Variants in ADAMTS6 observed in about 807,000 individuals in gnomAD.
The protein encoded by ADAMTS6 is A disintegrin and metalloproteinase with thrombospondin motifs 6.
In ADAMTS6, 23 loss-of-function variants were observed where a neutral mutation model predicts 144.3. The ratio of observed to expected loss-of-function variants is 0.16; its 90% CI spans 0.11 to 0.23. ADAMTS6 has a LOEUF of 0.23. ADAMTS6 is among the 10% of genes least tolerant of loss of function. ADAMTS6 has a pLI of 1.00. For synonymous variants in ADAMTS6, 444 were observed against 457.5 expected (o/e 0.97, Z 0.38); for missense variants, 999 against 1,379.6 (o/e 0.72, Z 4.37).
At chr5:65,440,413 T>C (rs1481262402) in intron 7 of ADAMTS6, among the ~76,000 whole-genome samples, 14 of 152,024 alleles carry the variant, frequency 9.2e-5, no homozygotes, top group Admixed American at 2.6e-4. Flanking sequence ...CTTACTACCT[T>C]GAGAAATTCA....
intron 7 of ADAMTS6, among the ~76,000 whole-genome samples, chr5:65,425,189 A>C (rs900897484): frequency 6.6e-6 from 1 of 152,038 alleles, no homozygotes; most frequent in Admixed American, 6.6e-5. Context: ...TGTATTTAAA[A>C]ATTTCGTATT....
chr5:65,342,111 G>T (rs774069994), intron 7 of ADAMTS6, among the ~76,000 whole-genome samples: 8 of 152,100 alleles, frequency 5.3e-5, no homozygotes, highest in Non-Finnish European at 1.2e-4. Flanking sequence ...CTCAATAGAT[G>T]CAGAAAAAGC....
chr5:65,375,252 T>A (rs1469285291), intron 7 of ADAMTS6, among the ~76,000 whole-genome samples: 1 of 152,034 alleles, frequency 6.6e-6, no homozygotes, highest in African/African-American at 2.4e-5. Context: ...AAGCCAAAAT[T>A]GACAAATGGG....
At chr5:65,284,672 ATC>A (rs1763231433) in intron 11 of ADAMTS6, among the ~76,000 whole-genome samples, 1 of 152,158 alleles carries the variant, frequency 6.6e-6, no homozygotes, top group African/African-American at 2.4e-5. Context: ...ATCATTAATC[ATC>A]TAATTGAGGT....
At chr5:65,276,019 AAAGTTCTATTAT>A (rs1762506585) in intron 11 of ADAMTS6, among the ~76,000 whole-genome samples, 2 of 97,876 alleles carry the variant, frequency 2.0e-5, no homozygotes, top group African/African-American at 7.6e-5. Context: ...CTAAGCGATG[AAAGTTCTATTAT>A]TGAAAAAGAC....
chr5:65,388,841 AATAG>A (rs1287576357), intron 7 of ADAMTS6, among the ~76,000 whole-genome samples: 3 of 152,228 alleles, frequency 2.0e-5, no homozygotes, highest in Non-Finnish European at 2.9e-5. Flanking sequence ...CCATATGAGA[AATAG>A]ATAAATACTT....
intron 7 of ADAMTS6, among the ~76,000 whole-genome samples, chr5:65,440,695 A>G (rs1757798730): frequency 6.6e-6 from 1 of 152,202 alleles, no homozygotes; most frequent in African/African-American, 2.4e-5. Context: ...AATAATGCCT[A>G]GCACTTACAC....
rs1422556384 is a variant in ADAMTS6, at chr5:65,319,533, T to TTA, written c.1223+9843_1223+9844dup. On this transcript the variant is annotated intron_variant, in intron 9 of 24. Transcript: ENST00000381055. ...CATATCTACCAAAAAAAAAAAAAAT[T>TTA]TATATATATATGCAAAAATACAAGA... 5.3e-3 allele frequency among the ~76,000 whole-genome samples: 734 copies of TTA among 138,068 alleles called. 8 individuals are homozygous for TTA. Among genetic ancestry groups the TTA allele is most frequent in the African/African-American group, 0.019 (712 of 37,486 alleles). 90.6% of individuals were successfully genotyped at this position (138,068 alleles called of 152,430 possible).
intron 7 of ADAMTS6, among the ~76,000 whole-genome samples, chr5:65,394,532 A>G (rs1410480078): frequency 6.6e-6 from 1 of 152,238 alleles, no homozygotes; most frequent in Non-Finnish European, 1.5e-5. Context: ...ACATGTCAGC[A>G]TTCCAGATAG....
At chr5:65,259,376 T>TCAAACAAACAAA (rs150243891) in intron 14 of ADAMTS6, among the ~76,000 whole-genome samples, 24 of 149,738 alleles carry the variant, frequency 1.6e-4, no homozygotes, top group Admixed American at 4.7e-4. Flanking sequence ...AGGCTCTGTC[T>TCAAACAAACAAA]CAAACAAACA....
intron 7 of ADAMTS6, 48 bp from the exon 8 acceptor site, chr5:65,334,133 C>G (rs1180616580): frequency 1.4e-6 from 2 of 1,437,350 alleles, no homozygotes; most frequent in Admixed American, 5.5e-5. Flanking sequence ...AGATTTGTAA[C>G]ATATTTTTCT....
intron 10 of ADAMTS6, among the ~76,000 whole-genome samples, chr5:65,292,724 C>T (rs1179329685): frequency 6.6e-6 from 1 of 151,922 alleles, no homozygotes; most frequent in Non-Finnish European, 1.5e-5. Context: ...TTCTTTCATG[C>T]CCTCCTGATT....
At chr5:65,328,336 CCTAT>C (rs558358139) in intron 9 of ADAMTS6, among the ~76,000 whole-genome samples, 229 of 152,022 alleles carry the variant, frequency 1.5e-3, no homozygotes, top group Non-Finnish European at 2.7e-3. Context: ...TTCTTTTTCC[CCTAT>C]CTATGACGCC....
chr5:65,357,071 T>C (rs1749387042), intron 7 of ADAMTS6, among the ~76,000 whole-genome samples: 1 of 151,656 alleles, frequency 6.6e-6, no homozygotes, highest in Non-Finnish European at 1.5e-5. Context: ...AATAAAAGCA[T>C]AAATAATAGA....
At chr5:65,217,701 C>T (rs1289288574) in intron 18 of ADAMTS6, among the ~76,000 whole-genome samples, 1 of 151,874 alleles carries the variant, frequency 6.6e-6, no homozygotes, top group African/African-American at 2.4e-5. Flanking sequence ...CTGGATGTAC[C>T]CTTATTTTTA....
intron 7 of ADAMTS6, among the ~76,000 whole-genome samples, chr5:65,387,975 C>T (rs1170188769): frequency 6.6e-6 from 1 of 152,114 alleles, no homozygotes; most frequent in Non-Finnish European, 1.5e-5. Context: ...CTTTGGGAGG[C>T]CAAGGCGGGC....
chr5:65,259,129 G>T (rs1760940937), intron 14 of ADAMTS6, among the ~76,000 whole-genome samples: 1 of 151,964 alleles, frequency 6.6e-6, no homozygotes, highest in Admixed American at 6.6e-5. Context: ...GGCCGAGGCG[G>T]GTGGATCACC....
chr5:65,322,565 T>G (rs1379358520), intron 9 of ADAMTS6, among the ~76,000 whole-genome samples: 1 of 119,212 alleles, frequency 8.4e-6, no homozygotes, highest in African/African-American at 5.0e-5. Flanking sequence ...TATGTAGTTT[T>G]TTTTTTTTTT....
chr5:65,226,812 A>G (rs1053890169), intron 15 of ADAMTS6, among the ~76,000 whole-genome samples: 6 of 152,102 alleles, frequency 3.9e-5, no homozygotes, highest in Admixed American at 1.3e-4. Flanking sequence ...TGAACTCCTG[A>G]CCTCAGGTGA....
Sources: allele counts gnomAD v4.1 joint callset (sites outside exome capture counted in the v4.1 genomes callset), GRCh38; gene constraint gnomAD v4.1.1; transcripts MANE v1.5; gene names NCBI Gene and HGNC (gene_info 2026-07-23, HGNC 2026-07-21).